MEOX2: variants seen among roughly 807,000 people sequenced by gnomAD.
The protein encoded by MEOX2 is mesenchyme homeobox 2.
Under a neutral mutation model 27.0 loss-of-function variants are expected in MEOX2, and 11 were observed. The ratio of observed to expected loss-of-function variants is 0.41; its 90% CI spans 0.26 to 0.68. MEOX2 has a LOEUF of 0.68. MEOX2 is among the 30% of genes least tolerant of loss of function. MEOX2 has a pLI of 0.33. For missense variants in MEOX2, 436 were observed against 385.4 expected (o/e 1.13, Z -1.10); for synonymous variants, 189 against 155.4 (o/e 1.22, Z -1.61).
At chr7:15,644,859 C>T (rs1194468872) in intron 1 of MEOX2, among the ~76,000 whole-genome samples, 4 of 152,106 alleles carry the variant, frequency 2.6e-5, no homozygotes, top group Admixed American at 6.5e-5. Flanking sequence ...AAGGGGATTC[C>T]AAGCCAGTAA....
At position 15,615,754 on chromosome 7, in the gene MEOX2, T is replaced by C. The variant is rs1255450820; in HGVS notation, c.691-3143A>G. 2.6e-5 allele frequency among the ~76,000 whole-genome samples: 4 copies of C among 152,054 alleles called. No homozygotes were observed. The East Asian group carries it at 7.7e-4, about 29-fold the overall frequency. ...TTTCAAGATTCCCTATAGGGATATT[T>C]TCTCATGGACAATTCCAGATGGAAG... On this transcript the variant is annotated intron_variant, in intron 2 of 2. Transcript: ENST00000262041.
chr7:15,630,793 G>A (rs565046957), intron 1 of MEOX2, among the ~76,000 whole-genome samples: 16 of 152,036 alleles, frequency 1.1e-4, no homozygotes, highest in African/African-American at 2.9e-4. Flanking sequence ...TCATTCTATT[G>A]GTGCTAGTAA....
chr7:15,675,520 G>A (rs114052418), intron 1 of MEOX2, among the ~76,000 whole-genome samples: 2 of 152,162 alleles, frequency 1.3e-5, no homozygotes, highest in Non-Finnish European at 2.9e-5. Flanking sequence ...TTCCTTTTAA[G>A]GGCACTAGGC....
intron 2 of MEOX2, among the ~76,000 whole-genome samples, chr7:15,625,865 C>A (rs1325650448): frequency 6.6e-6 from 1 of 152,060 alleles, no homozygotes; most frequent in African/African-American, 2.4e-5. Context: ...ACCTAAAAAG[C>A]AATTAATTTA....
At chr7:15,614,636 T>C (rs549127253) in intron 2 of MEOX2, among the ~76,000 whole-genome samples, 1 of 152,312 alleles carries the variant, frequency 6.6e-6, no homozygotes, top group African/African-American at 2.4e-5. Flanking sequence ...ATTGCTGTAT[T>C]CTGTTCTGTT....
chr7:15,667,462 T>C (rs1366966440), intron 1 of MEOX2, among the ~76,000 whole-genome samples: 9 of 152,090 alleles, frequency 5.9e-5, no homozygotes, highest in African/African-American at 1.9e-4. Context: ...TTGGCTTCCC[T>C]ATTGTACTGC....
In MEOX2 at chr7:15,618,667, T is replaced by C. The variant is rs1021493935; in HGVS notation, c.691-6056A>G. On this transcript the variant is annotated intron_variant, in intron 2 of 2. Transcript: ENST00000262041. ...AAATATTACTATGATTCAATCTAAATTTATATTCTGATTTTTATTAATATT... is the reference window on the plus strand; with the variant it reads ...AAATATTACTATGATTCAATCTAAACTTATATTCTGATTTTTATTAATATT... Among the ~76,000 whole-genome samples, 13 of 152,046 alleles carry C rather than the reference T, an allele frequency of 8.6e-5. No homozygotes were observed. The East Asian group carries it at 2.5e-3, about 29-fold the overall frequency.
intron 2 of MEOX2, among the ~76,000 whole-genome samples, chr7:15,626,392 T>C (rs6962943): frequency 6.6e-6 from 1 of 151,738 alleles, no homozygotes; most frequent in Admixed American, 6.6e-5. Context: ...CTAATCTGGG[T>C]TTACCAACTT....
At chr7:15,650,990 G>C (rs973586732) in intron 1 of MEOX2, among the ~76,000 whole-genome samples, 2 of 152,014 alleles carry the variant, frequency 1.3e-5, no homozygotes, top group Non-Finnish European at 2.9e-5. Flanking sequence ...GACTGAGATA[G>C]AGCATGCGGA....
chr7:15,686,109 A>G lies in MEOX2; in HGVS notation c.294T>C (p.Ser98=), dbSNP rs1471276752. ...LQTNWHLPQM[S]SPPSAARHSL... is the part of the protein sequence containing the mutation. ...TGTGCCGAGCCGCACTCGGTGGGGA[A>G]GACATCTGCGGGAGGTGCCAGTTGG... The change falls in exon 1 of 3, where the codon TCT becomes TCC. Residue 98 remains serine, a synonymous_variant. Transcript: ENST00000262041. The G allele has an allele frequency of 5.7e-6, 9 of 1,583,546 alleles. No individual in the cohort carries two copies. Among genetic ancestry groups the G allele is most frequent in the Non-Finnish European group, 7.7e-6 (9 of 1,165,898 alleles).
At chr7:15,657,586 A>C (rs1350947655) in intron 1 of MEOX2, among the ~76,000 whole-genome samples, 1 of 151,936 alleles carries the variant, frequency 6.6e-6, no homozygotes, top group Non-Finnish European at 1.5e-5. Context: ...TTCTTTGCTG[A>C]GATGTTCTAT....
intron 2 of MEOX2, among the ~76,000 whole-genome samples, chr7:15,625,401 T>C (rs577711300): frequency 5.3e-5 from 8 of 152,298 alleles, no homozygotes; most frequent in East Asian, 3.9e-4. Flanking sequence ...AGTCATAATA[T>C]GTAATAAAAT....
intron 1 of MEOX2, among the ~76,000 whole-genome samples, chr7:15,668,927 C>T (rs1782053602): frequency 6.6e-6 from 1 of 152,192 alleles, no homozygotes; most frequent in African/African-American, 2.4e-5. Flanking sequence ...GGATGCTATA[C>T]ATACGCAAAC....
chr7:15,647,616 A>G (rs953991365), intron 1 of MEOX2, among the ~76,000 whole-genome samples: 7 of 152,136 alleles, frequency 4.6e-5, no homozygotes, highest in Non-Finnish European at 8.8e-5. Flanking sequence ...ACATGAAACT[A>G]AAGCTGCTGT....
chr7:15,632,471 G>T (rs376451096), intron 1 of MEOX2, among the ~76,000 whole-genome samples: 1 of 151,452 alleles, frequency 6.6e-6, no homozygotes, highest in Admixed American at 6.6e-5. Context: ...CAACCCAATG[G>T]TTCTTCTTCC....
At chr7:15,650,550 T>G (rs936167590) in intron 1 of MEOX2, among the ~76,000 whole-genome samples, 9 of 152,188 alleles carry the variant, frequency 5.9e-5, no homozygotes, top group Admixed American at 3.9e-4. Flanking sequence ...TGCCATATCT[T>G]GTGAATATAT....
chr7:15,619,648 G>T (rs1259253295), intron 2 of MEOX2, among the ~76,000 whole-genome samples: 1 of 151,984 alleles, frequency 6.6e-6, no homozygotes, highest in South Asian at 2.1e-4. Context: ...ATATGTGTGT[G>T]TGTATATATA....
At position 15,626,786 on chromosome 7, in the gene MEOX2, C is replaced by T. The variant is rs760169461; in HGVS notation, c.650G>A (p.Arg217Gln). Residue 217 changes from arginine (R) to glutamine (Q), a missense_variant, in exon 2 of 3, where the codon CGA (arginine) becomes CAA (glutamine). Coordinates refer to ENST00000262041, the MANE Select transcript of MEOX2 (RefSeq NM_005924.5). ...ATCCAGATTCACTGCTATCTCGTATCGCCTCAGTCTGGTGAGATAATTATG... is the reference window on the plus strand; with the variant it reads ...ATCCAGATTCACTGCTATCTCGTATTGCCTCAGTCTGGTGAGATAATTATG... The part of the protein sequence containing the change: ...AHHNYLTRLR[R>Q]YEIAVNLDLT... The T allele has an allele frequency of 3.1e-6, 5 of 1,606,566 alleles. No individual in the cohort carries two copies. The African/African-American group carries it at 5.5e-5, about 18-fold the overall frequency.
At chr7:15,669,225 CT>C (rs1229617316) in intron 1 of MEOX2, among the ~76,000 whole-genome samples, 2 of 152,210 alleles carry the variant, frequency 1.3e-5, no homozygotes, top group Non-Finnish European at 1.5e-5. Context: ...GCCAGTAAAA[CT>C]TTACTACAAA....
Sources: gnomAD v4.1 joint callset for allele counts (sites outside exome capture counted in the v4.1 genomes callset) on GRCh38, gnomAD v4.1.1 for gene constraint, MANE v1.5 for transcripts, NCBI Gene and HGNC (gene_info 2026-07-23, HGNC 2026-07-21) for gene names.